LMX1A: variants seen among roughly 807,000 people sequenced by gnomAD.
LMX1A encodes the protein LIM homeobox transcription factor 1 alpha, also known as LIM homeobox transcription factor 1-alpha.
Under a neutral mutation model 49.1 loss-of-function variants are expected in LMX1A, and 15 were observed. The observed-to-expected ratio is 0.31, with a 90% CI of 0.20 to 0.47. The LOEUF is 0.47. Among genes scored for constraint, LMX1A ranks in the 20% least tolerant of loss-of-function variants. The probability of loss-of-function intolerance (pLI) is 1.00; values close to 1 mark genes in which losing one functional copy is unlikely to be tolerated. For missense variants in LMX1A, 372 were observed against 475.8 expected (o/e 0.78, Z 2.03); for synonymous variants, 167 against 185.7 (o/e 0.90, Z 0.82).
At chr1:165,247,154 G>A (rs191522297) in intron 4 of LMX1A, among the ~76,000 whole-genome samples, 16 of 135,532 alleles carry the variant, frequency 1.2e-4, no homozygotes, top group Admixed American at 6.0e-4. Context: ...TCTGTAAACC[G>A]TTAACATAGG....
intron 3 of LMX1A, among the ~76,000 whole-genome samples, chr1:165,275,178 C>G (rs1653927218): frequency 6.6e-6 from 1 of 152,098 alleles, no homozygotes; most frequent in Non-Finnish European, 1.5e-5. Flanking sequence ...TGAAATTGCC[C>G]CTGAAGTGCA....
intron 4 of LMX1A, among the ~76,000 whole-genome samples, chr1:165,219,817 T>C (rs1337798047): frequency 6.6e-6 from 1 of 152,178 alleles, no homozygotes; most frequent in Non-Finnish European, 1.5e-5. Flanking sequence ...AATCCTAGGA[T>C]CCAGGGATGA....
chr1:165,251,285 G>A (rs1294533962), intron 3 of LMX1A, among the ~76,000 whole-genome samples: 2 of 152,156 alleles, frequency 1.3e-5, no homozygotes, highest in Non-Finnish European at 2.9e-5. Flanking sequence ...GTTTCACCAT[G>A]TTGGTTAGGC....
chr1:165,304,061 C>T lies in LMX1A; in HGVS notation c.263+49015G>A, dbSNP rs985675754. 5.6e-4 allele frequency among the ~76,000 whole-genome samples: 85 copies of T among 152,212 alleles called. 1 individual carries two copies. The highest frequency in any genetic ancestry group is 3.4e-3 in the Middle Eastern group (1 of 294). On this transcript the variant is annotated intron_variant, in intron 3 of 8. Coordinates refer to ENST00000342310, the MANE Select transcript of LMX1A (RefSeq NM_177398.4). ...TTACACATTGGTTTAATCCTCAGTT[C>T]TACTGGTTCTACTGATCCTCAGTTC...
At chr1:165,225,600 G>A (rs756592343) in intron 4 of LMX1A, among the ~76,000 whole-genome samples, 9 of 152,194 alleles carry the variant, frequency 5.9e-5, no homozygotes, top group Non-Finnish European at 8.8e-5. Context: ...TTGTTACTCC[G>A]AACCTAAGAC....
At chr1:165,269,568 C>T (rs1196262213) in intron 3 of LMX1A, among the ~76,000 whole-genome samples, 1 of 152,154 alleles carries the variant, frequency 6.6e-6, no homozygotes, top group Non-Finnish European at 1.5e-5. Context: ...GAATATAAAT[C>T]ATTCTATTAT....
intron 3 of LMX1A, among the ~76,000 whole-genome samples, chr1:165,284,828 C>A (rs890278497): frequency 6.6e-6 from 1 of 152,186 alleles, no homozygotes; most frequent in Non-Finnish European, 1.5e-5. Context: ...TTCTTTCCCA[C>A]CAGGAAGAGC....
intron 3 of LMX1A, among the ~76,000 whole-genome samples, chr1:165,274,900 G>A (rs1226100043): frequency 6.6e-6 from 1 of 152,202 alleles, no homozygotes; most frequent in African/African-American, 2.4e-5. Context: ...AGGTAGTTGA[G>A]AGGATTAAAT....
intron 3 of LMX1A, among the ~76,000 whole-genome samples, chr1:165,311,961 A>G (rs1655089764): frequency 6.6e-6 from 1 of 152,224 alleles, no homozygotes; most frequent in Non-Finnish European, 1.5e-5. Context: ...TGGCCATTCT[A>G]GCAGATGGTC....
chr1:165,278,922 T>A (rs989061054), intron 3 of LMX1A, among the ~76,000 whole-genome samples: 2 of 151,952 alleles, frequency 1.3e-5, no homozygotes, highest in African/African-American at 4.8e-5. Context: ...TGGGCTGAGG[T>A]TCAGACTTAT....
At chr1:165,221,944 C>CAT (rs148884855) in intron 4 of LMX1A, among the ~76,000 whole-genome samples, 11,435 of 149,018 alleles carry the variant, frequency 0.077, 654 homozygotes, top group African/African-American at 0.15. Context: ...CACACACACA[C>CAT]GCACACGCAC....
At chr1:165,336,806 C>T (rs189825263) in intron 3 of LMX1A, among the ~76,000 whole-genome samples, 5 of 152,178 alleles carry the variant, frequency 3.3e-5, no homozygotes, top group African/African-American at 4.8e-5. Context: ...GACTTGTGAG[C>T]GAAACAATAA....
At chr1:165,222,812 C>T (rs1651896844) in intron 4 of LMX1A, among the ~76,000 whole-genome samples, 1 of 152,214 alleles carries the variant, frequency 6.6e-6, no homozygotes, top group Non-Finnish European at 1.5e-5. Context: ...CCAGCCGGGT[C>T]TATGCCTTCA....
chr1:165,299,607 A>G (rs1654715772), intron 3 of LMX1A, among the ~76,000 whole-genome samples: 2 of 152,234 alleles, frequency 1.3e-5, no homozygotes, highest in South Asian at 4.1e-4. Context: ...CAGAAGGTTT[A>G]GTAAAAGATG....
At chr1:165,307,687 C>T (rs1557879692) in intron 3 of LMX1A, among the ~76,000 whole-genome samples, 1 of 152,278 alleles carries the variant, frequency 6.6e-6, no homozygotes. Flanking sequence ...GCAACTAACC[C>T]CTACCCACGT....
chr1:165,225,916 CA>C (rs1399445296), intron 4 of LMX1A, among the ~76,000 whole-genome samples: 1 of 152,242 alleles, frequency 6.6e-6, no homozygotes, highest in Non-Finnish European at 1.5e-5. Context: ...GCAATCACAG[CA>C]CATTCTTACT....
chr1:165,302,110 C>T (rs974713256), intron 3 of LMX1A, among the ~76,000 whole-genome samples: 1 of 151,926 alleles, frequency 6.6e-6, no homozygotes, highest in Non-Finnish European at 1.5e-5. Context: ...TCCCAAACCC[C>T]CTTTTCTGCT....
chr1:165,258,355 C>T lies in LMX1A; in HGVS notation c.264-8715G>A, dbSNP rs186384528. ...GTAGTGACACAAGCAACCTTGTCAG[C>T]TGGCTCAAGGTCTCTGTCCTTGAGG... On this transcript the variant is annotated intron_variant, in intron 3 of 8. Transcript: ENST00000342310. Among the ~76,000 whole-genome samples, 463 of 152,314 alleles carry T rather than the reference C, an allele frequency of 3.0e-3. 2 individuals are homozygous for T. Among genetic ancestry groups the T allele is most frequent in the Non-Finnish European group, 4.3e-3 (295 of 68,026 alleles).
At chr1:165,307,016 A>C (rs1399165592) in intron 3 of LMX1A, among the ~76,000 whole-genome samples, 1 of 152,246 alleles carries the variant, frequency 6.6e-6, no homozygotes, top group Non-Finnish European at 1.5e-5. Context: ...GCGTCTGTGC[A>C]TATGGGCAGT....
Sources: gnomAD v4.1 joint callset for allele counts (sites outside exome capture counted in the v4.1 genomes callset) on GRCh38, gnomAD v4.1.1 for gene constraint, MANE v1.5 for transcripts, NCBI Gene and HGNC (gene_info 2026-07-23, HGNC 2026-07-21) for gene names.